The following KALRN variants were observed in gnomAD, a reference collection of about 807,000 sequenced individuals.
The protein encoded by KALRN is kalirin.
KALRN carries 70 observed loss-of-function variants against 353.7 expected under a neutral mutation model. The observed-to-expected ratio is 0.20, with a 90% CI of 0.16 to 0.24. The LOEUF is 0.24. KALRN is among the 10% of genes least tolerant of loss of function. The probability of loss-of-function intolerance (pLI) is 1.00; values close to 1 mark genes in which losing one functional copy is unlikely to be tolerated. For missense variants in KALRN, 2,791 were observed against 3,756.7 expected, an observed-to-expected ratio of 0.74 and a Z score of 6.72; for synonymous variants, 1,391 against 1,434.8, an observed-to-expected ratio of 0.97 and a Z score of 0.69.
intron 33 of KALRN, among the ~76,000 whole-genome samples, chr3:124,536,068 C>A (rs1354157301): frequency 6.6e-6 from 1 of 152,114 alleles, no homozygotes; most frequent in African/African-American, 2.4e-5. Flanking sequence ...GCAAGGGAAC[C>A]AGGGAAATGT....
chr3:124,555,176 T>G (rs959903352), intron 33 of KALRN, among the ~76,000 whole-genome samples: 1 of 152,030 alleles, frequency 6.6e-6, no homozygotes, highest in Non-Finnish European at 1.5e-5. Context: ...AGCTTGAATC[T>G]CATCTTCTCA....
At chr3:124,053,194 C>G (rs1330708112) in intron 1 of KALRN, among the ~76,000 whole-genome samples, 1 of 152,130 alleles carries the variant, frequency 6.6e-6, no homozygotes, top group Non-Finnish European at 1.5e-5. Flanking sequence ...ATGCCCACCT[C>G]TGGATTTGGA....
intron 3 of KALRN, among the ~76,000 whole-genome samples, chr3:124,242,994 C>A (rs2080677035): frequency 6.6e-6 from 1 of 152,186 alleles, no homozygotes. Flanking sequence ...GAAAGACTAT[C>A]AGTAGCAGGG....
At chr3:124,115,873 C>T (rs930037568) in intron 1 of KALRN, among the ~76,000 whole-genome samples, 6 of 152,062 alleles carry the variant, frequency 3.9e-5, no homozygotes, top group African/African-American at 1.4e-4. Flanking sequence ...TGAAACAGAC[C>T]CTGGTTCCAG....
chr3:124,529,843 C>A (rs1018718738), intron 33 of KALRN, among the ~76,000 whole-genome samples: 9 of 148,850 alleles, frequency 6.0e-5, no homozygotes, highest in African/African-American at 2.2e-4. Flanking sequence ...GAGAATAAAT[C>A]CAACAGGGCA....
chr3:124,228,215 G>A (rs2078786162), intron 2 of KALRN, 151 bp downstream of exon 2: 1 of 727,460 alleles, frequency 1.4e-6, no homozygotes, highest in African/African-American at 1.7e-5. Context: ...GAGGCAGATG[G>A]GGAGGGAGAA....
At chr3:124,416,111 G>A (rs1454835808) in intron 14 of KALRN, among the ~76,000 whole-genome samples, 1 of 152,186 alleles carries the variant, frequency 6.6e-6, no homozygotes, top group Non-Finnish European at 1.5e-5. Flanking sequence ...ACACCATCTA[G>A]CAGAGAGATG....
chr3:124,228,647 A>G (rs912094264), intron 2 of KALRN, among the ~76,000 whole-genome samples: 6 of 152,192 alleles, frequency 3.9e-5, no homozygotes, highest in Non-Finnish European at 8.8e-5. Context: ...TTATAAATAA[A>G]GTTTTATTGG....
At chr3:124,236,271 A>G (rs2141664) in intron 3 of KALRN, among the ~76,000 whole-genome samples, 9,355 of 152,290 alleles carry the variant, frequency 0.061, 378 homozygotes, top group Non-Finnish European at 0.088. Flanking sequence ...GAAACAATGA[A>G]TATAAGGATG....
At chr3:124,263,678 T>C (rs2073170535) in intron 3 of KALRN, among the ~76,000 whole-genome samples, 1 of 152,218 alleles carries the variant, frequency 6.6e-6, no homozygotes, top group African/African-American at 2.4e-5. Flanking sequence ...TATTCATACT[T>C]TGTGTACCAT....
chr3:124,254,745 GTA>G lies in KALRN; in HGVS notation c.264-9749_264-9748del, dbSNP rs2071683284. ...AAATTTCAGTAGTTTGGCTCTCATT[GTA>G]TATGTCTATTCAGCTGGAAGATTTG... On this transcript the variant is annotated intron_variant, in intron 3 of 59. Transcript: ENST00000682506. 2.0e-5 allele frequency among the ~76,000 whole-genome samples: 3 copies of G among 152,128 alleles called. No individual in the cohort carries two copies. In the South Asian group the frequency reaches 6.2e-4, roughly 31 times the overall value.
At chr3:124,679,682 A>G (rs765072531) in intron 51 of KALRN, 165 bp downstream of exon 51, 1 of 739,708 alleles carries the variant, frequency 1.4e-6, no homozygotes, top group South Asian at 1.5e-5. Context: ...CAAAAACATA[A>G]TTCAGTTCAG....
intron 45 of KALRN, among the ~76,000 whole-genome samples, chr3:124,663,206 C>G (rs543043447): frequency 2.0e-5 from 3 of 152,304 alleles, no homozygotes; most frequent in African/African-American, 7.2e-5. Flanking sequence ...CTCGGCCTCC[C>G]AAAGTGCTGG....
chr3:124,144,009 T>C (rs549054829), intron 1 of KALRN, among the ~76,000 whole-genome samples: 85 of 152,282 alleles, frequency 5.6e-4, no homozygotes, highest in African/African-American at 1.9e-3. Flanking sequence ...ACCTAACATA[T>C]GTACCTTTTT....
chr3:124,504,978 G>A (rs1010002430), intron 33 of KALRN: 4 of 492,304 alleles, frequency 8.1e-6, no homozygotes, highest in African/African-American at 7.8e-5. Flanking sequence ...TCTGCCAGGG[G>A]AAGGGGTACA....
intron 1 of KALRN, among the ~76,000 whole-genome samples, chr3:124,216,522 C>T (rs963385): frequency 0.94 from 143,243 of 152,256 alleles, 67,999 homozygotes; most frequent in East Asian, 1. Flanking sequence ...TCATGGCTTT[C>T]CCCCATCACA....
chr3:124,562,913 T>G lies in KALRN; in HGVS notation c.5006T>G (p.Ile1669Ser), dbSNP rs1404637724. 1.5e-6 allele frequency: 2 copies of G among 1,367,878 alleles called. No individual in the cohort carries two copies. Among genetic ancestry groups the G allele is most frequent in the South Asian group, 2.3e-5 (2 of 88,040 alleles). 84.7% of individuals were successfully genotyped at this position (1,367,878 alleles called of 1,614,324 possible). Residue 1669 changes from isoleucine (I) to serine (S), a missense_variant, in exon 34 of 60, where the codon ATC becomes AGC. Ile to Ser is a moderately radical substitution (Grantham distance 142). This residue lies in a region of KALRN where 239 missense variants were observed against 351.3 expected (regional missense o/e 0.68). Transcript: ENST00000682506. ...GCGGGCCACAGCAGTGAGCTGACCA[T>G]CCAGGTGGGGCAGACGGTAGAGCTG... ...FSAGHSSELT[I>S]QVGQTVELLE...
intron 1 of KALRN, among the ~76,000 whole-genome samples, chr3:124,139,992 T>C (rs1253264900): frequency 6.6e-6 from 1 of 152,136 alleles, no homozygotes; most frequent in Non-Finnish European, 1.5e-5. Flanking sequence ...TATTGTACCC[T>C]AAAGGGCCCA....
rs2063780837 is a variant in KALRN, at chr3:124,496,006, T to TAC, written c.4833-304_4833-303insCA. 9.1e-5 allele frequency among the ~76,000 whole-genome samples: 5 copies of TAC among 54,952 alleles called. 1 individual carries two copies. The highest frequency in any genetic ancestry group is 1.2e-4 in the Non-Finnish European group (4 of 32,792). 36.1% of individuals were successfully genotyped at this position (54,952 alleles called of 152,430 possible). A position where few individuals can be genotyped will look rare whatever the true frequency, so the allele number is the denominator to read the frequency against. ...ATATATATATATATATATATATATA[T>TAC]ATATATACACACACATATATACATA... On this transcript the variant is annotated intron_variant, in intron 32 of 59. Transcript: ENST00000682506.
Sources: gnomAD v4.1 joint callset for allele counts (sites outside exome capture counted in the v4.1 genomes callset) on GRCh38, gnomAD v4.1.1 for gene constraint, gnomAD v4.1.1 regional missense constraint, MANE v1.5 for transcripts, NCBI Gene and HGNC (gene_info 2026-07-23, HGNC 2026-07-21) for gene names.